NPTXR: variants seen among roughly 807,000 people sequenced by gnomAD.
NPTXR encodes neuronal pentraxin receptor.
In NPTXR, 12 loss-of-function variants were observed where a neutral mutation model predicts 32.2. That is an observed-to-expected ratio of 0.37 (90% CI 0.24 to 0.60). The LOEUF is 0.60. Among genes scored for constraint, NPTXR ranks in the 20% least tolerant of loss-of-function variants. NPTXR has a pLI of 0.66. For synonymous variants in NPTXR, 323 were observed against 315.8 expected, an observed-to-expected ratio of 1.02 and a Z score of -0.24; for missense variants, 612 against 682.9, an observed-to-expected ratio of 0.90 and a Z score of 1.16.
In NPTXR at chr22:38,822,468, A is replaced by C; in HGVS notation, c.*141T>G. 1.4e-6 allele frequency: 1 copy of C among 693,820 alleles called. No homozygotes were observed. Among genetic ancestry groups the C allele is most frequent in the Non-Finnish European group, 2.5e-6 (1 of 397,678 alleles). 43.0% of individuals were successfully genotyped at this position (693,820 alleles called of 1,614,324 possible). A position where few individuals can be genotyped will look rare whatever the true frequency, so the allele number is the denominator to read the frequency against. On this transcript the variant is annotated 3_prime_UTR_variant, in exon 5 of 5. Coordinates refer to ENST00000333039, the MANE Select transcript of NPTXR (RefSeq NM_014293.4). Reference sequence around the variant, plus strand: ...GGCAGGGCATTCTGGAGGTGTGGGTACAGGTGAGGGGAAATGGGAGGCACA... The same window carrying C: ...GGCAGGGCATTCTGGAGGTGTGGGTCCAGGTGAGGGGAAATGGGAGGCACA...
intron 1 of NPTXR, among the ~76,000 whole-genome samples, chr22:38,835,002 G>A (rs1377745494): frequency 1.3e-5 from 2 of 152,202 alleles, no homozygotes; most frequent in South Asian, 2.1e-4. Context: ...AGCTGGACAA[G>A]CTTCTGAAAC....
intron 1 of NPTXR, among the ~76,000 whole-genome samples, chr22:38,837,099 C>T (rs2093125126): frequency 6.6e-6 from 1 of 152,228 alleles, no homozygotes; most frequent in African/African-American, 2.4e-5. Context: ...CAGGCGTGAG[C>T]CACCGCGCCC....
chr22:38,837,722 C>T (rs898333287), intron 1 of NPTXR, among the ~76,000 whole-genome samples: 1 of 152,120 alleles, frequency 6.6e-6, no homozygotes, highest in Non-Finnish European at 1.5e-5. Flanking sequence ...CTCCTCCTCC[C>T]GCCTGTTTTA....
intron 1 of NPTXR, among the ~76,000 whole-genome samples, chr22:38,829,456 G>T (rs555940603): frequency 1.3e-4 from 20 of 152,148 alleles, no homozygotes; most frequent in Admixed American, 2.0e-4. Flanking sequence ...AGGTGAGGCC[G>T]CAGGTCCAGA....
intron 1 of NPTXR, among the ~76,000 whole-genome samples, chr22:38,838,817 A>G (rs573122875): frequency 2.6e-4 from 40 of 151,936 alleles, no homozygotes; most frequent in Non-Finnish European, 5.3e-4. Flanking sequence ...TCCTGACCTC[A>G]TAATCTGCCC....
chr22:38,827,368 G>A (rs2146192978), intron 2 of NPTXR, among the ~76,000 whole-genome samples: 1 of 151,392 alleles, frequency 6.6e-6, no homozygotes, highest in Non-Finnish European at 1.5e-5. Flanking sequence ...CGAGTAGCTG[G>A]GATTACAGGT....
chr22:38,826,391 A>G, intron 3 of NPTXR, 109 bp downstream of exon 3: 1 of 1,319,146 alleles, frequency 7.6e-7, no homozygotes. Flanking sequence ...TGTGTGCTGA[A>G]TATGCAGAGC....
Position 38,822,352 on chromosome 22 carries a change from C to G in NPTXR, c.*257G>C. The G allele has an allele frequency of 1.9e-6, 1 of 528,400 alleles. No homozygotes were observed. Among genetic ancestry groups the G allele is most frequent in the Non-Finnish European group, 3.4e-6 (1 of 290,176 alleles). 32.7% of individuals were successfully genotyped at this position (528,400 alleles called of 1,614,324 possible). On this transcript the variant is annotated 3_prime_UTR_variant, in exon 5 of 5. Transcript: ENST00000333039. ...TGGGCAGGGAGGGTGGGGTAAGAGACAACTCCAGTGCAGTGCCAGGTGGGC... is the reference window on the plus strand; with the variant it reads ...TGGGCAGGGAGGGTGGGGTAAGAGAGAACTCCAGTGCAGTGCCAGGTGGGC...
rs546586189 is a variant in NPTXR at position 38,832,490 on chromosome 22, G to A, written c.625-3978C>T. 3.3e-5 allele frequency among the ~76,000 whole-genome samples: 5 copies of A among 152,318 alleles called. No individual in the cohort carries two copies. In the South Asian group the frequency reaches 6.2e-4, roughly 19 times the overall value. ...AGCCAGAGCCCCTTGTTCTAGGCCT[G>A]GCTCAGCCATAATGTGCTGGGCTCA... On this transcript the variant is annotated intron_variant, in intron 1 of 4. Coordinates refer to ENST00000333039, the MANE Select transcript of NPTXR (RefSeq NM_014293.4).
In NPTXR at chr22:38,819,692, ACACT is replaced by A. The variant is rs760566168; in HGVS notation, c.*2913_*2916del. On this transcript the variant is annotated 3_prime_UTR_variant, in exon 5 of 5. Transcript: ENST00000333039. ...AGATCAACAGGACGGTGCCTGTGCCACACTCAGTGCAGTGCCAGATGGCAGGACA... is the reference window on the plus strand; with the variant it reads ...AGATCAACAGGACGGTGCCTGTGCCACAGTGCAGTGCCAGATGGCAGGACA... 8 of 152,334 alleles carry A rather than the reference ACACT, an allele frequency of 5.3e-5. No homozygotes were observed. Among genetic ancestry groups the A allele is most frequent in the Non-Finnish European group, 2.9e-5 (2 of 68,078 alleles). 9.4% of individuals were successfully genotyped at this position (152,334 alleles called of 1,614,324 possible). A position where few individuals can be genotyped will look rare whatever the true frequency, so the allele number is the denominator to read the frequency against.
chr22:38,825,054 C>G (rs888316849), intron 3 of NPTXR, among the ~76,000 whole-genome samples: 1 of 152,326 alleles, frequency 6.6e-6, no homozygotes, highest in Admixed American at 6.5e-5. Flanking sequence ...AGGCCCAAAA[C>G]AATGTGGCAG....
chr22:38,831,219 C>A (rs1247069065), intron 1 of NPTXR, among the ~76,000 whole-genome samples: 1 of 152,174 alleles, frequency 6.6e-6, no homozygotes, highest in Non-Finnish European at 1.5e-5. Flanking sequence ...CCAGCCTGGG[C>A]AACATGGCGA....
rs867188659 is a variant in NPTXR, at chr22:38,843,387, G to A, written c.472C>T (p.Leu158=). ...GGCAGGCCGCTCTCGCAGCGGCCCA[G>A]CTTGCCGGTGAGCTCACGGATGGTG... Residue 158 remains leucine, a synonymous_variant, in exon 1 of 5, where the codon CTG becomes TTG. Coordinates refer to ENST00000333039, the MANE Select transcript of NPTXR (RefSeq NM_014293.4). This position sits in a 1 kb window ranked among gnomAD's most constrained non-coding sequence, Gnocchi z 5.3. 7.8e-6 allele frequency: 11 copies of A among 1,412,388 alleles called. No homozygotes were observed. Among genetic ancestry groups the A allele is most frequent in the South Asian group, 1.5e-5 (1 of 66,446 alleles). The allele number at this position is 1,412,388 out of a possible 1,614,324, so 87.5% of individuals were successfully genotyped here. A position where few individuals can be genotyped will look rare whatever the true frequency, so the allele number is the denominator to read the frequency against.
intron 2 of NPTXR, among the ~76,000 whole-genome samples, chr22:38,827,671 T>C (rs912757426): frequency 4.6e-5 from 7 of 152,198 alleles, no homozygotes; most frequent in African/African-American, 1.7e-4. Flanking sequence ...CTGAAAGGTC[T>C]TTGAGAGCTC....
chr22:38,831,840 CAT>C (rs1205848762), intron 1 of NPTXR, among the ~76,000 whole-genome samples: 1 of 152,162 alleles, frequency 6.6e-6, no homozygotes, highest in Non-Finnish European at 1.5e-5. Flanking sequence ...TGTGTTTACT[CAT>C]GAATCCTCGC....
intron 1 of NPTXR, among the ~76,000 whole-genome samples, chr22:38,837,908 T>G (rs954248907): frequency 1.3e-5 from 2 of 149,466 alleles, no homozygotes; most frequent in Non-Finnish European, 3.0e-5. Context: ...CAGGCTGGAG[T>G]GCAGTGGCAT....
chr22:38,841,393 G>A (rs1439804157), intron 1 of NPTXR, among the ~76,000 whole-genome samples: 1 of 152,256 alleles, frequency 6.6e-6, no homozygotes, highest in African/African-American at 2.4e-5. Flanking sequence ...ACCTCAGCGG[G>A]CTAACCGGAA....
chr22:38,822,902 CTCAG>C (rs2093100451), intron 4 of NPTXR, 69 bp from the exon 5 acceptor site: 1 of 1,485,718 alleles, frequency 6.7e-7, no homozygotes, highest in South Asian at 1.2e-5. Context: ...GGCAGGCTGG[CTCAG>C]TCAGGCTCTT....
At chr22:38,825,253 G>A (rs2093104584) in intron 3 of NPTXR, among the ~76,000 whole-genome samples, 1 of 152,146 alleles carries the variant, frequency 6.6e-6, no homozygotes, top group African/African-American at 2.4e-5. Flanking sequence ...GGGCAGAACA[G>A]GGGAGGGGTT....
Sources: gnomAD v4.1 joint callset for allele counts (sites outside exome capture counted in the v4.1 genomes callset) on GRCh38, gnomAD v4.1.1 for gene constraint, Gnocchi (gnomAD v3.1) non-coding constraint, MANE v1.5 for transcripts, NCBI Gene and HGNC (gene_info 2026-07-23, HGNC 2026-07-21) for gene names.